PALM2AKAP2: variants seen among roughly 807,000 people sequenced by gnomAD.
The protein encoded by PALM2AKAP2 is PALM2-AKAP2 fusion protein.
Under a neutral mutation model 71.5 loss-of-function variants are expected in PALM2AKAP2, and 37 were observed. The ratio of observed to expected loss-of-function variants is 0.52; its 90% CI spans 0.40 to 0.68. The LOEUF is 0.68. PALM2AKAP2 is among the 30% of genes least tolerant of loss of function. The pLI is 0.00. For missense variants in PALM2AKAP2, 1,224 were observed against 1,191.8 expected (o/e 1.03, Z -0.40); for synonymous variants, 468 against 478.8 (o/e 0.98, Z 0.29).
chr9:110,041,620 T>G lies in PALM2AKAP2; in HGVS notation c.582+25581T>G, dbSNP rs1021822507. ...AATGTGGAACAGGCAGGAAAGAAACTTACTTGGGCACAGGAAGCCAGAGAC... is the reference window on the plus strand; with the variant it reads ...AATGTGGAACAGGCAGGAAAGAAACGTACTTGGGCACAGGAAGCCAGAGAC... On this transcript the variant is annotated intron_variant, in intron 7 of 9. Transcript: ENST00000302798. Among the ~76,000 whole-genome samples, 5 of 152,226 alleles carry G rather than the reference T, an allele frequency of 3.3e-5. No individual in the cohort carries two copies. In the East Asian group the frequency reaches 5.8e-4, roughly 18 times the overall value.
intron 1 of PALM2AKAP2, among the ~76,000 whole-genome samples, chr9:109,675,858 C>T (rs1260121408): frequency 6.6e-6 from 1 of 152,094 alleles, no homozygotes; most frequent in Non-Finnish European, 1.5e-5. Flanking sequence ...TATGCCTTGT[C>T]CCCCTTTGAT....
chr9:110,045,249 G>T (rs144137746), upstream of PALM2AKAP2, among the ~76,000 whole-genome samples: 2 of 152,096 alleles, frequency 1.3e-5, no homozygotes, highest in East Asian at 1.9e-4. Context: ...ACATTTACAC[G>T]TTCGAGTTAT....
chr9:110,110,840 C>A (rs920317251), intron 1 of PALM2AKAP2, among the ~76,000 whole-genome samples: 2 of 152,034 alleles, frequency 1.3e-5, no homozygotes, highest in Non-Finnish European at 2.9e-5. Context: ...AGCCACCATG[C>A]CTGGCCTATG....
chr9:109,766,533 A>T (rs575943113), intron 1 of PALM2AKAP2, among the ~76,000 whole-genome samples: 2 of 152,346 alleles, frequency 1.3e-5, no homozygotes, highest in South Asian at 4.2e-4. Flanking sequence ...TAGAGTTCAC[A>T]GCATTGTGAA....
At chr9:109,855,818 T>C (rs1829147499) in intron 1 of PALM2AKAP2, among the ~76,000 whole-genome samples, 1 of 152,198 alleles carries the variant, frequency 6.6e-6, no homozygotes, top group African/African-American at 2.4e-5. Flanking sequence ...AGAAGGGAAG[T>C]ACAGTGTTGA....
chr9:109,761,821 C>A (rs1306665242), intron 1 of PALM2AKAP2, among the ~76,000 whole-genome samples: 1 of 152,092 alleles, frequency 6.6e-6, no homozygotes, highest in Non-Finnish European at 1.5e-5. Flanking sequence ...GTAAATAGTG[C>A]TGCAATAAAC....
intron 1 of PALM2AKAP2, among the ~76,000 whole-genome samples, chr9:109,855,168 G>T (rs1829129922): frequency 6.6e-6 from 1 of 152,082 alleles, no homozygotes; most frequent in South Asian, 2.1e-4. Flanking sequence ...CGCTTCCCAG[G>T]CTTAAGCAAT....
At chr9:109,889,033 G>C (rs1830029388) in intron 3 of PALM2AKAP2, among the ~76,000 whole-genome samples, 1 of 152,142 alleles carries the variant, frequency 6.6e-6, no homozygotes. Flanking sequence ...TTGATACTAA[G>C]ATGAGAATCT....
chr9:109,733,205 T>C (rs1166140556), intron 1 of PALM2AKAP2, among the ~76,000 whole-genome samples: 2 of 152,034 alleles, frequency 1.3e-5, no homozygotes, highest in African/African-American at 4.8e-5. Context: ...TGGAAAGGGG[T>C]TGAGGGAAAA....
chr9:109,993,276 C>T (rs940503256), intron 6 of PALM2AKAP2, among the ~76,000 whole-genome samples: 7 of 151,916 alleles, frequency 4.6e-5, no homozygotes, highest in African/African-American at 1.7e-4. Flanking sequence ...GCTTTGCCTT[C>T]CTCTCTGTGG....
chr9:109,924,917 AAAG>A (rs1830916790), intron 4 of PALM2AKAP2, 141 bp from the exon 5 acceptor site: 1 of 1,176,040 alleles, frequency 8.5e-7, no homozygotes, highest in Admixed American at 2.5e-5. Flanking sequence ...GTCCAGAAGA[AAAG>A]AGATCGTTGC....
At chr9:110,168,064 C>T (rs533357736) in intron 3 of PALM2AKAP2, among the ~76,000 whole-genome samples, 85 of 152,330 alleles carry the variant, frequency 5.6e-4, no homozygotes, top group Admixed American at 4.2e-3. Flanking sequence ...AATTGGACAG[C>T]ACTGATCTGC....
At chr9:109,689,610 A>G (rs1827853197) in intron 1 of PALM2AKAP2, among the ~76,000 whole-genome samples, 1 of 152,250 alleles carries the variant, frequency 6.6e-6, no homozygotes, top group South Asian at 2.1e-4. Context: ...CTGAGTTCTG[A>G]ACACATTGAG....
intron 6 of PALM2AKAP2, among the ~76,000 whole-genome samples, chr9:110,004,220 G>C (rs896508105): frequency 1.3e-5 from 2 of 152,100 alleles, no homozygotes; most frequent in Non-Finnish European, 2.9e-5. Context: ...TTTAGGGCAG[G>C]CCTGGTGGTG....
chr9:110,139,036 T>TGGTCCA (rs1554756227), intron 2 of PALM2AKAP2, among the ~76,000 whole-genome samples: 1 of 152,216 alleles, frequency 6.6e-6, no homozygotes, highest in African/African-American at 2.4e-5. Context: ...CATTGCAGAC[T>TGGTCCA]GGTCCATGCA....
intron 1 of PALM2AKAP2, among the ~76,000 whole-genome samples, chr9:110,120,566 G>A (rs934099459): frequency 1.3e-4 from 20 of 152,184 alleles, no homozygotes; most frequent in Non-Finnish European, 2.5e-4. Flanking sequence ...GCAGTGGTGC[G>A]ATCTCGGCTC....
intron 3 of PALM2AKAP2, among the ~76,000 whole-genome samples, chr9:109,903,652 A>G (rs79133220): frequency 0.039 from 5,872 of 152,240 alleles, 209 homozygotes; most frequent in East Asian, 0.14. Flanking sequence ...CAGCAGAATC[A>G]CAGCTGTCTC....
chr9:109,875,880 C>T (rs564457897), intron 2 of PALM2AKAP2, among the ~76,000 whole-genome samples: 1 of 152,292 alleles, frequency 6.6e-6, no homozygotes, highest in Non-Finnish European at 1.5e-5. Context: ...CTTCTGTCCT[C>T]CTTTCAGAAG....
intron 1 of PALM2AKAP2, among the ~76,000 whole-genome samples, chr9:109,723,214 G>T (rs1334668638): frequency 6.6e-6 from 1 of 152,142 alleles, no homozygotes; most frequent in Non-Finnish European, 1.5e-5. Flanking sequence ...CTGCTTAAAG[G>T]CCCATCTCCG....
Sources: gnomAD v4.1 joint callset for allele counts (sites outside exome capture counted in the v4.1 genomes callset) on GRCh38, gnomAD v4.1.1 for gene constraint, MANE v1.5 for transcripts, NCBI Gene and HGNC (gene_info 2026-07-23, HGNC 2026-07-21) for gene names.